PPFIBP1: variants seen among roughly 807,000 people sequenced by gnomAD.
The protein encoded by PPFIBP1 is liprin-beta-1.
A neutral mutation model predicts 137.8 loss-of-function variants in PPFIBP1; 112 were observed. The ratio of observed to expected loss-of-function variants is 0.81; its 90% CI spans 0.70 to 0.95. The LOEUF is 0.95. PPFIBP1 is among the 40% of genes least tolerant of loss of function. PPFIBP1 has a pLI of 0.00. For synonymous variants in PPFIBP1, 378 were observed against 417.3 expected, an observed-to-expected ratio of 0.91 and a Z score of 1.15; for missense variants, 1,083 against 1,196.6, an observed-to-expected ratio of 0.91 and a Z score of 1.40.
intron 8 of PPFIBP1, 40 bp from the exon 9 acceptor site, chr12:27,656,576 G>A: frequency 7.9e-7 from 1 of 1,262,668 alleles, no homozygotes; most frequent in South Asian, 1.2e-5. Flanking sequence ...TTCCTTTTCA[G>A]TCATGATCTG....
intron 10 of PPFIBP1, among the ~76,000 whole-genome samples, chr12:27,659,092 G>C (rs930172205): frequency 6.6e-6 from 1 of 152,198 alleles, no homozygotes; most frequent in Non-Finnish European, 1.5e-5. Flanking sequence ...CGGGCACACA[G>C]CATTGTGGAT....
chr12:27,620,038 C>A (rs7960013), intron 2 of PPFIBP1, among the ~76,000 whole-genome samples: 26,258 of 151,794 alleles, frequency 0.17, 2,405 homozygotes, highest in East Asian at 0.31. Flanking sequence ...GCTAGTGTCC[C>A]ATCACCATCT....
chr12:27,652,754 G>T (rs2058951508), intron 7 of PPFIBP1, among the ~76,000 whole-genome samples: 1 of 152,054 alleles, frequency 6.6e-6, no homozygotes, highest in African/African-American at 2.4e-5. Flanking sequence ...GAATTCAATG[G>T]TATTTCTTAG....
rs1481447906 is a variant in PPFIBP1, at chr12:27,656,730, G to A, written c.811G>A (p.Asp271Asn). 3.2e-6 allele frequency: 5 copies of A among 1,567,496 alleles called. No homozygotes were observed. Among genetic ancestry groups the A allele is most frequent in the East Asian group, 2.2e-5 (1 of 44,524 alleles). ...KGEGVEIVDR[D>N]ENFKKKLKEK... The stretch of plus-strand genomic sequence containing the variant: ...AGAAGGGGTTGAAATTGTTGATAGA[G>A]GTAAGAAGATATATTTCACATTTAT... The change falls in exon 9 of 30, where the codon GAT (aspartate) becomes AAT (asparagine). Residue 271 changes from aspartate to asparagine, a missense_variant and splice_region_variant. Transcript: ENST00000228425.
rs200551796 is a variant in PPFIBP1, at chr12:27,685,302, CTG to C, written c.2248-2079_2248-2078del. Among the ~76,000 whole-genome samples the C allele has an allele frequency of 2.7e-4, 41 of 151,226 alleles. 1 individual carries two copies. The East Asian group carries it at 7.9e-3, about 29-fold the overall frequency. Reference sequence around the variant, plus strand: ...ATCCATATACACACACACACACACTCTGTGTATCTATAGTATTATAATACTAT... The same window carrying C: ...ATCCATATACACACACACACACACTCTGTATCTATAGTATTATAATACTAT... On this transcript the variant is annotated intron_variant, in intron 24 of 29. Transcript: ENST00000228425.
At chr12:27,637,463 C>G (rs1158947250) in intron 4 of PPFIBP1, 2 of 152,042 alleles carry the variant, frequency 1.3e-5, no homozygotes, top group African/African-American at 4.8e-5. Flanking sequence ...AATGAAGATT[C>G]CGTTTTTATC....
chr12:27,564,593 G>A (rs1050596734), intron 1 of PPFIBP1, among the ~76,000 whole-genome samples: 6 of 152,070 alleles, frequency 3.9e-5, no homozygotes, highest in African/African-American at 4.8e-5. Flanking sequence ...CTAATTATAC[G>A]TGCTTTCACT....
rs529824864 is a variant in PPFIBP1 at position 27,679,582 on chromosome 12, C to T, written c.1709C>T (p.Pro570Leu). ...DSQRNSPFQI[P>L]PPSPDSKKKS... ...CAGAGGAACAGTCCCTTCCAGATAC[C>T]GCCTCCATCTCCAGATTCCAAAAAG... Residue 570 changes from proline (P) to leucine (L), a missense_variant, in exon 20 of 30, where the codon CCG becomes CTG. Pro to Leu is a moderately conservative substitution (Grantham distance 98, BLOSUM62 -3). Coordinates refer to ENST00000228425, the MANE Select transcript of PPFIBP1 (RefSeq NM_003622.4). The T allele has an allele frequency of 2.6e-5, 42 of 1,613,824 alleles. No homozygotes were observed. The East Asian group carries it at 3.8e-4, about 15-fold the overall frequency.
At chr12:27,570,887 T>C (rs1456259465) in intron 1 of PPFIBP1, among the ~76,000 whole-genome samples, 2 of 151,996 alleles carry the variant, frequency 1.3e-5, no homozygotes. Context: ...CACTCTAGCC[T>C]GGGCGACAGT....
rs1206890761 is a variant in PPFIBP1, at chr12:27,660,926, T to G, written c.887T>G (p.Met296Arg). ...ATGAAAAAAGCTGTGGAGTCCTTGA[T>G]GGCAGCAAATGAAGAAAAGGTATCC... ...QKMKKAVESL[M>R]AANEEKDRKI... Residue 296 changes from methionine (M) to arginine (R), a missense_variant, in exon 11 of 30, where the codon ATG (methionine) becomes AGG (arginine). Coordinates refer to ENST00000228425, the MANE Select transcript of PPFIBP1 (RefSeq NM_003622.4). The G allele has an allele frequency of 5.6e-6, 9 of 1,613,342 alleles. No homozygotes were observed. In the Admixed American group the frequency reaches 1.2e-4, roughly 21 times the overall value.
chr12:27,691,664 CA>C (rs536250546), intron 27 of PPFIBP1, 84 bp from the exon 28 acceptor site: 632 of 1,086,682 alleles, frequency 5.8e-4, no homozygotes, highest in African/African-American at 9.8e-4. Flanking sequence ...GGGGGCAACG[CA>C]AAAAAAAATC....
At chr12:27,635,713 TA>T (rs11306030) in intron 4 of PPFIBP1, 89,054 of 150,826 alleles carry the variant, frequency 0.59, 26,642 homozygotes, top group Admixed American at 0.65. Context: ...AGGTCTCATT[TA>T]AAAAAAAAAA....
intron 2 of PPFIBP1, among the ~76,000 whole-genome samples, chr12:27,626,209 T>C (rs1405195521): frequency 6.6e-6 from 1 of 152,076 alleles, no homozygotes; most frequent in Non-Finnish European, 1.5e-5. Flanking sequence ...ACAAGGAGGG[T>C]TGTATTTAAG....
At position 27,673,749 on chromosome 12, in the gene PPFIBP1, T is replaced by C. The variant is rs776012970; in HGVS notation, c.1320-18T>C. The C allele has an allele frequency of 2.3e-5, 37 of 1,607,172 alleles. No individual in the cohort carries two copies. In the Admixed American group the frequency reaches 3.4e-4, roughly 15 times the overall value. ...ACTGGAGCCACTTATTATTAATTGT[T>C]ATTACTGTTATTTTTAGAACTTCAA... On this transcript the variant is annotated intron_variant, in intron 15 of 29. Transcript: ENST00000228425.
intron 1 of PPFIBP1, among the ~76,000 whole-genome samples, chr12:27,532,488 T>C (rs1295668678): frequency 1.3e-5 from 2 of 151,846 alleles, no homozygotes; most frequent in East Asian, 1.9e-4. Flanking sequence ...GTATATTACA[T>C]CTATATTACA....
At chr12:27,612,534 A>G (rs2055249519) in intron 2 of PPFIBP1, among the ~76,000 whole-genome samples, 1 of 151,730 alleles carries the variant, frequency 6.6e-6, no homozygotes, top group Admixed American at 6.6e-5. Context: ...GTTTTAATAG[A>G]GACAAGGTCT....
rs768417701 is a variant in PPFIBP1 at position 27,682,723 on chromosome 12, G to A, written c.2247+20G>A. On this transcript the variant is annotated intron_variant, in intron 24 of 29. Transcript: ENST00000228425. ...ACTGTTGTAAGTGACTCACTCCTGG[G>A]GTTTGGGGGAGGAAAACTTTTTTTC... 1.9e-6 allele frequency: 3 copies of A among 1,613,280 alleles called. No homozygotes were observed. Among genetic ancestry groups the A allele is most frequent in the Non-Finnish European group, 2.5e-6 (3 of 1,179,808 alleles).
At chr12:27,612,612 G>A (rs1951687675) in intron 2 of PPFIBP1, among the ~76,000 whole-genome samples, 1 of 152,074 alleles carries the variant, frequency 6.6e-6, no homozygotes, top group Non-Finnish European at 1.5e-5. Flanking sequence ...GCCTCCGAAA[G>A]TGCTGGAATT....
At chr12:27,562,276 A>G (rs778245475) in intron 1 of PPFIBP1, among the ~76,000 whole-genome samples, 11 of 151,552 alleles carry the variant, frequency 7.3e-5, no homozygotes, top group Non-Finnish European at 1.3e-4. Context: ...TTGTTGAATA[A>G]AAGAAAGAAG....
Sources: gnomAD v4.1 joint callset for allele counts (sites outside exome capture counted in the v4.1 genomes callset) on GRCh38, gnomAD v4.1.1 for gene constraint, MANE v1.5 for transcripts, NCBI Gene and HGNC (gene_info 2026-07-23, HGNC 2026-07-21) for gene names.